Variants in PRRC2C observed in about 807,000 individuals in gnomAD.
PRRC2C encodes the protein protein PRRC2C.
In PRRC2C, 72 loss-of-function variants were observed where a neutral mutation model predicts 317.2. The observed-to-expected ratio is 0.23, with a 90% CI of 0.19 to 0.28. PRRC2C has a LOEUF of 0.28. Ranked by LOEUF, PRRC2C falls within the 10% of genes least tolerant of loss-of-function variation. PRRC2C has a pLI of 1.00. For synonymous variants in PRRC2C, 1,296 were observed against 1,205.9 expected (o/e 1.07, Z -1.55); for missense variants, 3,074 against 3,459.7 (o/e 0.89, Z 2.80).
At chr1:171,579,156 G>T (rs1647930346) in intron 26 of PRRC2C, among the ~76,000 whole-genome samples, 198 bp from the exon 27 acceptor site, 1 of 152,002 alleles carries the variant, frequency 6.6e-6, no homozygotes, top group Non-Finnish European at 1.5e-5. Flanking sequence ...TACTAGTTAT[G>T]TTTGTGTGTA....
At chr1:171,560,082 A>T (rs1167966739) in intron 19 of PRRC2C, among the ~76,000 whole-genome samples, 2 of 152,238 alleles carry the variant, frequency 1.3e-5, no homozygotes, top group Non-Finnish European at 2.9e-5. Flanking sequence ...CTCCATACAC[A>T]GTGATTCTTC....
Position 171,541,270 on chromosome 1 carries a change from C to T in PRRC2C, c.3804C>T (p.Asp1268=), listed in dbSNP as rs895307235. The part of the protein sequence containing the change: ...KRRRQRGSET[D]TDSEIHESAS... ...GACGACAGCGGGGTTCAGAGACTGA[C>T]ACAGACAGTGAAATTCATGAAAGTG... Residue 1268 remains aspartate, a synonymous_variant, in exon 16 of 35, where the codon GAC becomes GAT. Transcript: ENST00000647382. The surrounding 1 kb of genome is among the most constrained non-coding windows in gnomAD (Gnocchi z 4.1). The T allele has an allele frequency of 6.2e-6, 10 of 1,613,934 alleles. No homozygotes were observed. Among genetic ancestry groups the T allele is most frequent in the Non-Finnish European group, 8.5e-6 (10 of 1,179,876 alleles).
Position 171,542,242 on chromosome 1 carries a change from T to A in PRRC2C, c.4763+13T>A. 1 of 1,492,844 alleles carries A rather than the reference T, an allele frequency of 6.7e-7. No individual in the cohort carries two copies. The highest frequency in any genetic ancestry group is 1.4e-5 in the South Asian group (1 of 72,622). 92.5% of individuals were successfully genotyped at this position (1,492,844 alleles called of 1,614,324 possible). ...GTGGGAAGAGAGGGTGAGTACTTTG[T>A]TTTAAATATAGTTGCTTTTGCACCT... On this transcript the variant is annotated intron_variant, in intron 16 of 34. Transcript: ENST00000647382.
intron 34 of PRRC2C, among the ~76,000 whole-genome samples, chr1:171,590,159 C>T (rs575300781): frequency 6.6e-6 from 1 of 152,204 alleles, no homozygotes; most frequent in Non-Finnish European, 1.5e-5. Flanking sequence ...TCTTCTCAAA[C>T]TGTTTTCATA....
chr1:171,529,403 A>G (rs530487301), intron 11 of PRRC2C, among the ~76,000 whole-genome samples: 2 of 152,076 alleles, frequency 1.3e-5, no homozygotes, highest in South Asian at 4.2e-4. Context: ...ACACACCCCC[A>G]CCTTTCCTGC....
chr1:171,568,488 T>C, intron 23 of PRRC2C, 149 bp downstream of exon 23: 1 of 1,297,022 alleles, frequency 7.7e-7, no homozygotes, highest in Non-Finnish European at 1.0e-6. Flanking sequence ...AGTACTGTAA[T>C]ATAATTAGCA....
At chr1:171,523,412 C>CT (rs774353042) in intron 8 of PRRC2C, 23 bp from the exon 9 acceptor site, 10 of 1,613,368 alleles carry the variant, frequency 6.2e-6, no homozygotes, top group African/African-American at 2.7e-5. Context: ...AGCAGCCAGT[C>CT]TGAGTTTTCC....
intron 22 of PRRC2C, 48 bp downstream of exon 22, chr1:171,566,891 TA>T (rs778170171): frequency 2.9e-5 from 45 of 1,545,960 alleles, no homozygotes; most frequent in Non-Finnish European, 3.7e-5. Context: ...AAGCCATGTC[TA>T]AAATGAACGA....
At chr1:171,575,285 A>G (rs1685511402) in intron 25 of PRRC2C, among the ~76,000 whole-genome samples, 157 bp downstream of exon 25, 1 of 152,186 alleles carries the variant, frequency 6.6e-6, no homozygotes, top group South Asian at 2.1e-4. Context: ...ATGAGCCACC[A>G]CATGTGGCCA....
intron 20 of PRRC2C, among the ~76,000 whole-genome samples, chr1:171,561,463 C>T (rs558238532): frequency 6.6e-6 from 1 of 152,130 alleles, no homozygotes; most frequent in Non-Finnish European, 1.5e-5. Flanking sequence ...GAAAGCAAAA[C>T]AATGCTTATA....
In PRRC2C at chr1:171,537,351, T is replaced by C; in HGVS notation, c.2382T>C (p.Ser794=). The C allele has an allele frequency of 6.3e-7, 1 of 1,595,660 alleles. No individual in the cohort carries two copies. The highest frequency in any genetic ancestry group is 1.1e-5 in the South Asian group (1 of 87,656). Residue 794 remains serine (S), a synonymous_variant, in exon 15 of 35, where the codon TCT becomes TCC. Coordinates refer to ENST00000647382, the MANE Select transcript of PRRC2C (RefSeq NM_001387844.1). ...SSESFEHIAR[S]ARDHAISLSE... ...AGTCATTTGAGCATATAGCTCGATC[T>C]GCAAGAGATCACGCAATTTCCCTTT...
In PRRC2C at chr1:171,532,842, A is replaced by G. The variant is rs765992687; in HGVS notation, c.1754A>G (p.Gln585Arg). 7 of 1,601,164 alleles carry G rather than the reference A, an allele frequency of 4.4e-6. No homozygotes were observed. Among genetic ancestry groups the G allele is most frequent in the African/African-American group, 4.1e-5 (3 of 73,826 alleles). Residue 585 changes from glutamine to arginine, a missense_variant, in exon 12 of 35, where the codon CAA (glutamine) becomes CGA (arginine). Coordinates refer to ENST00000647382, the MANE Select transcript of PRRC2C (RefSeq NM_001387844.1). Reference protein sequence around the residue: ...KEKELQKMKEQEKECELEKER... With the variant: ...KEKELQKMKEREKECELEKER... ...AAAGAACTACAAAAGATGAAAGAACAAGAAAAGGAATGTGAGCTGGAGAAG... is the reference window on the plus strand; with the variant it reads ...AAAGAACTACAAAAGATGAAAGAACGAGAAAAGGAATGTGAGCTGGAGAAG...
intron 6 of PRRC2C, among the ~76,000 whole-genome samples, chr1:171,520,797 CTTTTTTTTTT>C (rs61220175): frequency 2.7e-5 from 3 of 109,326 alleles, no homozygotes; most frequent in Non-Finnish European, 5.3e-5. Context: ...ATTTCTTCTC[CTTTTTTTTTT>C]TTTTTTTTTT....
rs560114925 is a variant in PRRC2C at position 171,532,663 on chromosome 1, A to C, written c.1575A>C (p.Gln525His). 1.9e-6 allele frequency: 3 copies of C among 1,551,770 alleles called. No homozygotes were observed. Among genetic ancestry groups the C allele is most frequent in the Admixed American group, 3.9e-5 (2 of 50,986 alleles). ...REREKELEKE[Q>H]EQEREKEREK... ...GTGAGAAAGAACTTGAAAAAGAACA[A>C]GAACAGGAGCGAGAGAAGGAGAGGG... Residue 525 changes from glutamine (Q) to histidine (H), a missense_variant, in exon 12 of 35, where the codon CAA becomes CAC. Gln to His is a conservative substitution (Grantham distance 24). This residue lies in a region of PRRC2C where 1,320 missense variants were observed against 1,395.7 expected (regional missense o/e 0.95). Transcript: ENST00000647382.
intron 13 of PRRC2C, 85 bp from the exon 14 acceptor site, chr1:171,535,932 AAGGATTCAAAAC>A: frequency 7.0e-7 from 1 of 1,436,602 alleles, no homozygotes; most frequent in Non-Finnish European, 9.5e-7. Flanking sequence ...CTTTTCCTTC[AAGGATTCAAAAC>A]AGGCCATTAT....
intron 13 of PRRC2C, 95 bp downstream of exon 13, chr1:171,535,692 G>A (rs1485880124): frequency 7.4e-6 from 10 of 1,352,226 alleles, no homozygotes; most frequent in Non-Finnish European, 9.1e-6. Context: ...AATACGTAAA[G>A]CACACAAAGT....
At chr1:171,527,049 G>A (rs1674731215) in intron 10 of PRRC2C, among the ~76,000 whole-genome samples, 2 of 151,406 alleles carry the variant, frequency 1.3e-5, no homozygotes, top group African/African-American at 2.4e-5. Flanking sequence ...CTTGTGATCC[G>A]CCTGCCTCGG....
In PRRC2C at chr1:171,571,355, G is replaced by C. The variant is rs1684742224; in HGVS notation, c.6687G>C (p.Arg2229Ser). Residue 2229 changes from arginine to serine, a missense_variant, in exon 24 of 35, where the codon AGG becomes AGC. Physicochemically the swap from Arg to Ser is moderately radical, Grantham distance 110. Coordinates refer to ENST00000647382, the MANE Select transcript of PRRC2C (RefSeq NM_001387844.1). Reference sequence around the variant, plus strand: ...CCAACACCCTTCCCCTCCCTAAGAGGGAGACTATACAACAGAGCTCCAGCC... The same window carrying C: ...CCAACACCCTTCCCCTCCCTAAGAGCGAGACTATACAACAGAGCTCCAGCC... ...PLPNTLPLPK[R>S]ETIQQSSSLT... 2.5e-6 allele frequency: 4 copies of C among 1,612,646 alleles called. No individual in the cohort carries two copies. Among genetic ancestry groups the C allele is most frequent in the South Asian group, 2.2e-5 (2 of 91,016 alleles).
At chr1:171,493,531 A>G (rs1185522185) in intron 1 of PRRC2C, among the ~76,000 whole-genome samples, 6 of 152,228 alleles carry the variant, frequency 3.9e-5, no homozygotes. Context: ...GAAATTATCT[A>G]TGCTTTGGGC....
Sources: allele counts gnomAD v4.1 joint callset (sites outside exome capture counted in the v4.1 genomes callset), GRCh38; gene constraint gnomAD v4.1.1; regional missense constraint gnomAD v4.1.1; non-coding constraint Gnocchi (gnomAD v3.1); transcripts MANE v1.5; gene names NCBI Gene and HGNC (gene_info 2026-07-23, HGNC 2026-07-21).